The following DMD variants were observed in gnomAD, a reference collection of about 807,000 sequenced individuals.
DMD encodes mutant dystrophin.
In DMD, 63 loss-of-function variants were observed where a neutral mutation model predicts 330.1. That is an observed-to-expected ratio of 0.19 (90% CI 0.16 to 0.24). DMD has a LOEUF of 0.24. Ranked by LOEUF, DMD falls within the 10% of genes least tolerant of loss-of-function variation. The pLI is 1.00. For missense variants in DMD, 3,344 were observed against 2,684.1 expected (o/e 1.25, Z -5.43); for synonymous variants, 1,223 against 959.8 (o/e 1.27, Z -5.07).
chrX:32,607,544 G>T (rs1472872438), intron 12 of DMD, among the ~76,000 whole-genome samples: 1 of 109,978 alleles, frequency 9.1e-6, no homozygotes, highest in Admixed American at 9.7e-5. Flanking sequence ...ACTAGTATTA[G>T]AAATCCACTA....
At chrX:33,176,443 T>C (rs1392805832) in intron 1 of DMD, among the ~76,000 whole-genome samples, 1 of 106,487 alleles carries the variant, frequency 9.4e-6, no homozygotes, top group African/African-American at 3.4e-5. Context: ...AAACCAGGTA[T>C]ACGTATAATT....
rs1023362739 is a variant in DMD, at chrX:32,732,117, A to G, written c.650-32824T>C. On this transcript the variant is annotated intron_variant, in intron 7 of 78. Coordinates refer to ENST00000357033, the MANE Select transcript of DMD (RefSeq NM_004006.3). The stretch of plus-strand genomic sequence containing the variant: ...GGCTAGAGAAGTACGTGAAGAATGC[A>G]GAAGCCTCAGGAGCCGATGCGATCA... 2.7e-5 allele frequency among the ~76,000 whole-genome samples: 3 copies of G among 112,101 alleles called. No homozygotes were observed. In the Admixed American group the frequency reaches 2.8e-4, roughly 11 times the overall value.
intron 1 of DMD, among the ~76,000 whole-genome samples, chrX:33,055,543 A>G (rs1212752057): frequency 2.7e-5 from 3 of 112,195 alleles, no homozygotes; most frequent in African/African-American, 9.7e-5. Context: ...AAAAAAAATT[A>G]AAGGGTTTCT....
chrX:32,586,200 G>C (rs1161296812), intron 13 of DMD, among the ~76,000 whole-genome samples: 1 of 110,596 alleles, frequency 9.0e-6, no homozygotes, highest in African/African-American at 3.3e-5. Context: ...AAGCATACCA[G>C]TCACAATTCA....
At chrX:33,011,504 G>C (rs1215331794) in intron 2 of DMD, among the ~76,000 whole-genome samples, 4 of 112,177 alleles carry the variant, frequency 3.6e-5, no homozygotes, top group Admixed American at 2.8e-4. Context: ...CAAGCAATTA[G>C]TCATTCTGTC....
chrX:32,471,781 G>A (rs1041444445), intron 22 of DMD, among the ~76,000 whole-genome samples: 9 of 111,631 alleles, frequency 8.1e-5, no homozygotes, highest in African/African-American at 2.9e-4. Context: ...TGGATACGAA[G>A]GGATGACTGT....
intron 44 of DMD, among the ~76,000 whole-genome samples, chrX:32,043,132 A>G (rs1239936740): frequency 8.9e-6 from 1 of 111,809 alleles, no homozygotes; most frequent in East Asian, 2.8e-4. Context: ...ATCAATATAT[A>G]CACCTTCCTC....
At chrX:32,869,603 C>T (rs773985182) in intron 2 of DMD, among the ~76,000 whole-genome samples, 7 of 108,457 alleles carry the variant, frequency 6.5e-5, no homozygotes, top group African/African-American at 2.0e-4. Flanking sequence ...ACAATGCTAC[C>T]GCAAGTATCA....
At chrX:32,909,172 A>AAAG (rs1569541640) in intron 2 of DMD, among the ~76,000 whole-genome samples, 1 of 104,152 alleles carries the variant, frequency 9.6e-6, no homozygotes. Context: ...AAAAAAAAAA[A>AAAG]AGTAACCTGA....
chrX:32,872,371 G>C (rs1218364231), intron 2 of DMD, among the ~76,000 whole-genome samples: 1 of 111,691 alleles, frequency 9.0e-6, no homozygotes, highest in African/African-American at 3.3e-5. Context: ...CACACACAGT[G>C]AATTGCTCAC....
intron 44 of DMD, among the ~76,000 whole-genome samples, chrX:32,098,189 T>C (rs1239941074): frequency 9.0e-6 from 1 of 111,582 alleles, no homozygotes; most frequent in Non-Finnish European, 1.9e-5. Context: ...AGTTTATGGA[T>C]GTATATACAT....
At chrX:32,809,919 C>CAAAAAAAAAAAAAAAAA (rs55898363) in intron 6 of DMD, among the ~76,000 whole-genome samples, 3 of 28,656 alleles carry the variant, frequency 1.0e-4, no homozygotes, top group African/African-American at 2.7e-4. Flanking sequence ...TTGTTTCTAC[C>CAAAAAAAAAAAAAAAAA]AAAAAAAAAA....
intron 13 of DMD, among the ~76,000 whole-genome samples, chrX:32,595,449 G>A (rs869051267): frequency 9.0e-6 from 1 of 111,425 alleles, no homozygotes; most frequent in African/African-American, 3.3e-5. Flanking sequence ...TTAGAAAAAT[G>A]TCTGCATTTA....
chrX:32,917,737 A>C (rs2087969010), intron 2 of DMD, among the ~76,000 whole-genome samples: 1 of 111,973 alleles, frequency 8.9e-6, no homozygotes, highest in East Asian at 2.8e-4. Flanking sequence ...GTTTACACTT[A>C]GATTTGCTGA....
chrX:33,322,053 A>C (rs1180979808), intron 1 of DMD, among the ~76,000 whole-genome samples: 7 of 111,648 alleles, frequency 6.3e-5, no homozygotes, highest in African/African-American at 2.0e-4. Context: ...AGACCATTTA[A>C]ATTTTATCCA....
intron 61 of DMD, among the ~76,000 whole-genome samples, chrX:31,329,695 G>A (rs1230667961): frequency 8.2e-5 from 9 of 110,327 alleles, no homozygotes; most frequent in Non-Finnish European, 1.7e-4. Flanking sequence ...CACCTCGGCC[G>A]GGCGCGGTGG....
intron 18 of DMD, among the ~76,000 whole-genome samples, chrX:32,509,153 C>T (rs1201409037): frequency 3.1e-5 from 3 of 97,692 alleles, no homozygotes; most frequent in South Asian, 5.0e-4. Flanking sequence ...GTACCTTGTT[C>T]GTGGAAATGT....
intron 9 of DMD, among the ~76,000 whole-genome samples, chrX:32,681,116 G>C (rs1455161358): frequency 1.8e-5 from 2 of 111,983 alleles, no homozygotes; most frequent in South Asian, 7.4e-4. Flanking sequence ...CATCTCTTAA[G>C]CATAGGGTTA....
chrX:31,721,704 CTCTCTCTCTCTCTCTA>C (rs1569292984), intron 52 of DMD, among the ~76,000 whole-genome samples: 67 of 49,802 alleles, frequency 1.3e-3, no homozygotes, highest in Middle Eastern at 8.8e-3. Context: ...CTCTCTCTCT[CTCTCTCTCTCTCTCTA>C]TATATATATA....
Sources: allele counts gnomAD v4.1 joint callset (sites outside exome capture counted in the v4.1 genomes callset), GRCh38; gene constraint gnomAD v4.1.1; transcripts MANE v1.5; gene names NCBI Gene and HGNC (gene_info 2026-07-23, HGNC 2026-07-21).